The following SLC6A11 variants were observed in gnomAD, a reference collection of about 807,000 sequenced individuals.
SLC6A11 encodes sodium- and chloride-dependent GABA transporter 3.
A neutral mutation model predicts 74.8 loss-of-function variants in SLC6A11; 25 were observed. The observed-to-expected ratio is 0.33, with a 90% CI of 0.24 to 0.47. SLC6A11 has a LOEUF of 0.47. Among genes scored for constraint, SLC6A11 ranks in the 20% least tolerant of loss-of-function variants. The pLI is 1.00. For synonymous variants in SLC6A11, 330 were observed against 330.2 expected, an observed-to-expected ratio of 1.00 and a Z score of 0.01; for missense variants, 574 against 837.0, an observed-to-expected ratio of 0.69 and a Z score of 3.88.
In SLC6A11 at chr3:10,821,142, G is replaced by A. The variant is rs113393500; in HGVS notation, c.532+1290G>A. The stretch of plus-strand genomic sequence containing the variant: ...CTTTGGCCAGGGAACTCATAGAAAT[G>A]TTTATCAAACTAAAATTCAAGGACA... On this transcript the variant is annotated intron_variant, in intron 3 of 13. Coordinates refer to ENST00000254488, the MANE Select transcript of SLC6A11 (RefSeq NM_014229.3). Among the ~76,000 whole-genome samples the A allele has an allele frequency of 7.2e-5, 11 of 152,238 alleles. 2 individuals carry two copies. Among genetic ancestry groups the A allele is most frequent in the African/African-American group, 2.6e-4 (11 of 41,538 alleles).
intron 5 of SLC6A11, among the ~76,000 whole-genome samples, chr3:10,846,940 G>A (rs973447669): frequency 6.6e-6 from 1 of 152,222 alleles, no homozygotes; most frequent in African/African-American, 2.4e-5. Flanking sequence ...TTTGAGTGGT[G>A]TCCTTTCACA....
intron 5 of SLC6A11, among the ~76,000 whole-genome samples, chr3:10,863,122 AG>A (rs1382167110): frequency 6.6e-6 from 1 of 152,256 alleles, no homozygotes; most frequent in African/African-American, 2.4e-5. Flanking sequence ...AGGTCTTCCC[AG>A]GAAGTGTTTC....
rs754642225 is a variant in SLC6A11 at position 10,875,092 on chromosome 3, C to G, written c.888C>G (p.Pro296=). ...CTGACCTCTCCCGGCTCTCCGACCCCCAGGTAAGAGTCGCTTGCTCAATGT... is the reference window on the plus strand; with the variant it reads ...CTGACCTCTCCCGGCTCTCCGACCCGCAGGTAAGAGTCGCTTGCTCAATGT... ...LYPDLSRLSD[P]QVWVDAGTQI... The change falls in exon 6 of 14, where the codon CCC becomes CCG. Residue 296 remains proline (P), a synonymous_variant. Coordinates refer to ENST00000254488, the MANE Select transcript of SLC6A11 (RefSeq NM_014229.3). 2 of 1,606,378 alleles carry G rather than the reference C, an allele frequency of 1.2e-6. No homozygotes were observed. The highest frequency in any genetic ancestry group is 1.7e-6 in the Non-Finnish European group (2 of 1,174,604).
intron 5 of SLC6A11, among the ~76,000 whole-genome samples, chr3:10,856,962 C>T (rs1694645560): frequency 6.6e-6 from 1 of 152,198 alleles, no homozygotes; most frequent in Admixed American, 6.5e-5. Context: ...AAATACTCCC[C>T]CATGCTTGCA....
intron 4 of SLC6A11, among the ~76,000 whole-genome samples, chr3:10,841,596 G>C (rs573079742): frequency 6.6e-6 from 1 of 152,340 alleles, no homozygotes; most frequent in African/African-American, 2.4e-5. Context: ...TTCCCATTCT[G>C]GGAATTAGAT....
intron 1 of SLC6A11, among the ~76,000 whole-genome samples, chr3:10,818,161 A>G (rs73035879): frequency 0.03 from 4,447 of 148,762 alleles, 84 homozygotes; most frequent in African/African-American, 0.058. Context: ...AGTTTTCTTG[A>G]GATTCATAGA....
At chr3:10,877,226 G>A (rs1694919527) in intron 6 of SLC6A11, among the ~76,000 whole-genome samples, 1 of 152,170 alleles carries the variant, frequency 6.6e-6, no homozygotes, top group Non-Finnish European at 1.5e-5. Context: ...AAACCCTATG[G>A]ACCCCTGTGT....
chr3:10,845,884 A>G (rs1694496650), intron 5 of SLC6A11, among the ~76,000 whole-genome samples: 1 of 152,226 alleles, frequency 6.6e-6, no homozygotes, highest in Non-Finnish European at 1.5e-5. Flanking sequence ...CTCCACTCAC[A>G]GTCTCCCATC....
At chr3:10,863,557 C>T (rs532093231) in intron 5 of SLC6A11, among the ~76,000 whole-genome samples, 1 of 152,318 alleles carries the variant, frequency 6.6e-6, no homozygotes, top group Admixed American at 6.5e-5. Context: ...GATGGCTCCC[C>T]GTATCTGCAT....
chr3:10,855,373 T>A (rs1408903586), intron 5 of SLC6A11, among the ~76,000 whole-genome samples: 1 of 152,206 alleles, frequency 6.6e-6, no homozygotes, highest in Non-Finnish European at 1.5e-5. Flanking sequence ...CAGACCCAGA[T>A]TCTCCATCCC....
chr3:10,831,849 T>G (rs1044915155), intron 4 of SLC6A11, among the ~76,000 whole-genome samples: 3 of 152,198 alleles, frequency 2.0e-5, no homozygotes, highest in African/African-American at 7.2e-5. Flanking sequence ...TTCTCCTATA[T>G]GCACCTATAG....
intron 11 of SLC6A11, 130 bp downstream of exon 11, chr3:10,933,383 A>AGGGAT: frequency 1.5e-6 from 1 of 676,584 alleles, no homozygotes; most frequent in South Asian, 1.8e-5. Flanking sequence ...CTTACTCTTC[A>AGGGAT]GGGATTCCTT....
chr3:10,903,126 A>G (rs1173325083), intron 6 of SLC6A11, among the ~76,000 whole-genome samples: 1 of 152,152 alleles, frequency 6.6e-6, no homozygotes, highest in Non-Finnish European at 1.5e-5. Context: ...TGCATTTGTC[A>G]AAGACCTAAG....
chr3:10,883,687 A>G (rs1695009066), intron 6 of SLC6A11, among the ~76,000 whole-genome samples: 1 of 152,134 alleles, frequency 6.6e-6, no homozygotes. Flanking sequence ...AGATGTTACC[A>G]TGGAATTGCT....
At chr3:10,896,752 A>C (rs565493286) in intron 6 of SLC6A11, among the ~76,000 whole-genome samples, 1 of 152,162 alleles carries the variant, frequency 6.6e-6, no homozygotes, top group Non-Finnish European at 1.5e-5. Flanking sequence ...CATTCTTTCT[A>C]TAGTCTCCAT....
chr3:10,837,067 C>T (rs995914411), intron 4 of SLC6A11, among the ~76,000 whole-genome samples: 1 of 152,144 alleles, frequency 6.6e-6, no homozygotes, highest in Non-Finnish European at 1.5e-5. Flanking sequence ...CTTGCTTAGC[C>T]TGGGTGGCAG....
chr3:10,933,320 A>G, intron 11 of SLC6A11, 67 bp downstream of exon 11: 2 of 1,102,382 alleles, frequency 1.8e-6, no homozygotes, highest in Non-Finnish European at 2.8e-6. Context: ...TGGTGCTTGG[A>G]CTCTGGTTGG....
intron 5 of SLC6A11, among the ~76,000 whole-genome samples, chr3:10,847,597 C>T (rs966051985): frequency 1.3e-5 from 2 of 152,088 alleles, no homozygotes; most frequent in African/African-American, 4.8e-5. Flanking sequence ...AGAGCCTTGC[C>T]CGAGGTCACA....
At chr3:10,874,627 T>C (rs1694885391) in intron 5 of SLC6A11, among the ~76,000 whole-genome samples, 1 of 152,208 alleles carries the variant, frequency 6.6e-6, no homozygotes, top group Admixed American at 6.5e-5. Context: ...CTAGAGCTGA[T>C]ACATCTCACT....
Sources: gnomAD v4.1 joint callset for allele counts (sites outside exome capture counted in the v4.1 genomes callset) on GRCh38, gnomAD v4.1.1 for gene constraint, MANE v1.5 for transcripts, NCBI Gene and HGNC (gene_info 2026-07-23, HGNC 2026-07-21) for gene names.